Variants in CLSTN2 observed in about 807,000 individuals in gnomAD.
CLSTN2 encodes the protein calsyntenin-2.
In CLSTN2, 48 loss-of-function variants were observed where a neutral mutation model predicts 101.2. The ratio of observed to expected loss-of-function variants is 0.47; its 90% confidence interval spans 0.38 to 0.60. CLSTN2 has a LOEUF of 0.60. Among genes scored for constraint, CLSTN2 ranks in the 20% least tolerant of loss-of-function variants. The pLI, the probability that CLSTN2 is intolerant of heterozygous loss-of-function variation, is 0.00. For missense variants in CLSTN2, 1,160 were observed against 1,238.2 expected (o/e 0.94, Z 0.95); for synonymous variants, 481 against 463.6 (o/e 1.04, Z -0.48).
intron 6 of CLSTN2, among the ~76,000 whole-genome samples, chr3:140,452,297 T>C (rs1165497153): frequency 6.6e-6 from 1 of 151,952 alleles, no homozygotes; most frequent in Non-Finnish European, 1.5e-5. Flanking sequence ...GGCACCTGCT[T>C]TGGTCCCTCT....
rs1205748122 is a variant in CLSTN2, at chr3:140,494,151, T to C, written c.1344+27420T>C. 1.3e-5 allele frequency among the ~76,000 whole-genome samples: 2 copies of C among 152,204 alleles called. 1 individual carries two copies. The highest frequency in any genetic ancestry group is 6.3e-3 in the Middle Eastern group (2 of 316). ...TGGCTGCTACAAAGCTTAGAACCAA[T>C]TGTGTGACCCTCTGCTAAAGAATAT... On this transcript the variant is annotated intron_variant, in intron 8 of 16. Coordinates refer to ENST00000458420, the MANE Select transcript of CLSTN2 (RefSeq NM_022131.3).
At chr3:140,354,090 T>A (rs79606771) in intron 2 of CLSTN2, among the ~76,000 whole-genome samples, 6,517 of 152,286 alleles carry the variant, frequency 0.043, 157 homozygotes, top group South Asian at 0.081. Flanking sequence ...ATCTAGAGAA[T>A]AACTAGGCTC....
chr3:140,434,365 A>C (rs979100941), intron 5 of CLSTN2, among the ~76,000 whole-genome samples: 2 of 152,166 alleles, frequency 1.3e-5, no homozygotes, highest in African/African-American at 4.8e-5. Flanking sequence ...GTCCTGGCCT[A>C]ACTGAGCTTC....
At chr3:140,331,518 C>A (rs931117429) in intron 2 of CLSTN2, among the ~76,000 whole-genome samples, 2 of 152,246 alleles carry the variant, frequency 1.3e-5, no homozygotes, top group African/African-American at 4.8e-5. Flanking sequence ...TCTACCAAAA[C>A]AAAAGACTCC....
chr3:140,123,653 C>A (rs1489812311), intron 1 of CLSTN2, among the ~76,000 whole-genome samples: 4 of 152,016 alleles, frequency 2.6e-5, no homozygotes, highest in African/African-American at 9.7e-5. Context: ...TATTTTTGCA[C>A]AATTTTGGAG....
At chr3:140,562,081 G>A in intron 12 of CLSTN2, 57 bp from the exon 13 acceptor site, 1 of 1,515,968 alleles carries the variant, frequency 6.6e-7, no homozygotes, top group Non-Finnish European at 9.1e-7. Context: ...TGATTAGCAA[G>A]GGCTGTTTTC....
At chr3:139,982,885 T>C (rs141349823) in intron 1 of CLSTN2, among the ~76,000 whole-genome samples, 91 of 151,932 alleles carry the variant, frequency 6.0e-4, no homozygotes, top group Middle Eastern at 6.9e-3. Context: ...AGAGAGACCA[T>C]ATGTATATTA....
At chr3:140,145,707 C>A (rs1184457079) in intron 1 of CLSTN2, among the ~76,000 whole-genome samples, 1 of 152,216 alleles carries the variant, frequency 6.6e-6, no homozygotes, top group African/African-American at 2.4e-5. Flanking sequence ...ATATTTCCAG[C>A]TTTTTCTGCA....
intron 8 of CLSTN2, among the ~76,000 whole-genome samples, chr3:140,474,534 A>G (rs1309409682): frequency 6.6e-6 from 1 of 152,186 alleles, no homozygotes; most frequent in Non-Finnish European, 1.5e-5. Flanking sequence ...GTGGAAAAGA[A>G]ACCTTTTGTC....
Position 140,413,649 on chromosome 3 carries a change from C to T in CLSTN2, c.638-7476C>T, listed in dbSNP as rs542018013. On this transcript the variant is annotated intron_variant, in intron 4 of 16. Coordinates refer to ENST00000458420, the MANE Select transcript of CLSTN2 (RefSeq NM_022131.3). ...GATGAGCATAGATGCAAAAATAGTC[C>T]TCAACAAAATACTAGCAAACCAAAT... Among the ~76,000 whole-genome samples, 10 of 152,152 alleles carry T rather than the reference C, an allele frequency of 6.6e-5. No homozygotes were observed. The South Asian group carries it at 1.7e-3, about 25-fold the overall frequency.
chr3:140,519,272 T>G (rs940642205), intron 8 of CLSTN2, among the ~76,000 whole-genome samples: 3 of 152,252 alleles, frequency 2.0e-5, no homozygotes, highest in African/African-American at 4.8e-5. Flanking sequence ...CTAGAGGAAG[T>G]GCCATGTGGC....
intron 1 of CLSTN2, among the ~76,000 whole-genome samples, chr3:140,045,705 C>T (rs1387817734): frequency 6.6e-6 from 1 of 152,180 alleles, no homozygotes; most frequent in Non-Finnish European, 1.5e-5. Context: ...CCCAGAGATT[C>T]TGGTATGTTG....
At chr3:140,202,000 C>T (rs1327276841) in intron 2 of CLSTN2, among the ~76,000 whole-genome samples, 1 of 152,132 alleles carries the variant, frequency 6.6e-6, no homozygotes, top group African/African-American at 2.4e-5. Context: ...TGCTATCTGG[C>T]TCTGATGTTT....
At chr3:140,135,856 G>A (rs1158469251) in intron 1 of CLSTN2, among the ~76,000 whole-genome samples, 2 of 152,120 alleles carry the variant, frequency 1.3e-5, no homozygotes, top group Non-Finnish European at 2.9e-5. Flanking sequence ...CTAAAATCTT[G>A]TAACCCCAAA....
chr3:140,094,219 C>T (rs1424642923), intron 1 of CLSTN2, among the ~76,000 whole-genome samples: 1 of 152,064 alleles, frequency 6.6e-6, no homozygotes, highest in East Asian at 1.9e-4. Context: ...CATCTTTTTT[C>T]TAATCCAGTG....
chr3:140,462,026 A>G (rs969170381), intron 7 of CLSTN2, among the ~76,000 whole-genome samples: 5 of 152,250 alleles, frequency 3.3e-5, no homozygotes, highest in Non-Finnish European at 7.3e-5. Context: ...ATGTATGTCT[A>G]TAGTGGAAAC....
intron 1 of CLSTN2, among the ~76,000 whole-genome samples, chr3:140,123,613 A>G (rs1036569868): frequency 7.9e-5 from 12 of 152,122 alleles, no homozygotes; most frequent in African/African-American, 2.9e-4. Context: ...ACTAAGTGCC[A>G]TAAACTGCGT....
At chr3:140,561,599 C>T (rs1430496576) in intron 12 of CLSTN2, among the ~76,000 whole-genome samples, 1 of 152,174 alleles carries the variant, frequency 6.6e-6, no homozygotes, top group Non-Finnish European at 1.5e-5. Flanking sequence ...CAATTCCATG[C>T]TAGCTCCTGG....
intron 2 of CLSTN2, among the ~76,000 whole-genome samples, chr3:140,261,939 G>A (rs2086657683): frequency 6.6e-6 from 1 of 152,136 alleles, no homozygotes; most frequent in African/African-American, 2.4e-5. Context: ...TGATCTGCCA[G>A]TTATCATTAA....
Sources: allele counts gnomAD v4.1 joint callset (sites outside exome capture counted in the v4.1 genomes callset), GRCh38; gene constraint gnomAD v4.1.1; transcripts MANE v1.5; gene names NCBI Gene and HGNC (gene_info 2026-07-23, HGNC 2026-07-21).